Variants in MED13 observed in about 807,000 individuals in gnomAD.
The protein encoded by MED13 is mediator complex subunit 13.
MED13 carries 23 observed loss-of-function variants against 225.2 expected under a neutral mutation model. The observed-to-expected ratio is 0.10, with a 90% CI of 0.07 to 0.14. The LOEUF is 0.14. Ranked by LOEUF, MED13 falls within the 10% of genes least tolerant of loss-of-function variation. The probability of loss-of-function intolerance (pLI) is 1.00; values close to 1 mark genes in which losing one functional copy is unlikely to be tolerated. For missense variants in MED13, 2,197 were observed against 2,594.5 expected (o/e 0.85, Z 3.33); for synonymous variants, 942 against 889.2 (o/e 1.06, Z -1.06).
intron 28 of MED13, among the ~76,000 whole-genome samples, chr17:61,947,361 T>G (rs1456228747): frequency 6.6e-6 from 1 of 152,126 alleles, no homozygotes; most frequent in Non-Finnish European, 1.5e-5. Context: ...CAAAACTTAC[T>G]TTGAATCTAT....
intron 3 of MED13, among the ~76,000 whole-genome samples, chr17:62,044,351 A>G (rs912598690): frequency 6.6e-6 from 1 of 152,142 alleles, no homozygotes; most frequent in South Asian, 2.1e-4. Flanking sequence ...GCAATGATGA[A>G]AATGTTCTAC....
intron 8 of MED13, among the ~76,000 whole-genome samples, chr17:62,018,210 T>C (rs779599446): frequency 3.3e-5 from 5 of 152,198 alleles, no homozygotes; most frequent in Admixed American, 6.5e-5. Context: ...GCAATATTAA[T>C]GAATGAAATA....
At chr17:62,048,039 T>C (rs539300718) in intron 3 of MED13, among the ~76,000 whole-genome samples, 219 of 121,318 alleles carry the variant, frequency 1.8e-3, no homozygotes, top group African/African-American at 6.7e-3. Context: ...TACATATACA[T>C]ATACATATAT....
chr17:62,055,338 T>C (rs765536722), intron 2 of MED13, among the ~76,000 whole-genome samples: 1 of 151,280 alleles, frequency 6.6e-6, no homozygotes, highest in Non-Finnish European at 1.5e-5. Flanking sequence ...TGCAGTGAGC[T>C]GAGATCACAC....
At chr17:62,040,679 T>A (rs780611030) in intron 3 of MED13, among the ~76,000 whole-genome samples, 1 of 152,126 alleles carries the variant, frequency 6.6e-6, no homozygotes, top group Non-Finnish European at 1.5e-5. Context: ...GAATGCTGAC[T>A]TCAAACTCTA....
chr17:61,968,576 C>G (rs958184114), intron 17 of MED13, among the ~76,000 whole-genome samples: 1 of 152,144 alleles, frequency 6.6e-6, no homozygotes, highest in Non-Finnish European at 1.5e-5. Flanking sequence ...CCGCCCACCT[C>G]GGCCTCCCAA....
intron 29 of MED13, 110 bp downstream of exon 29, chr17:61,946,806 CA>C (rs1326660941): frequency 3.7e-6 from 4 of 1,094,236 alleles, no homozygotes; most frequent in Non-Finnish European, 5.4e-6. Flanking sequence ...TCTAGAGATC[CA>C]CTGGTACACA....
Position 61,966,610 on chromosome 17 carries a change from T to G in MED13, c.4233A>C (p.Leu1411Phe). 1 of 1,613,608 alleles carries G rather than the reference T, an allele frequency of 6.2e-7. No individual in the cohort carries two copies. The highest frequency in any genetic ancestry group is 8.5e-7 in the Non-Finnish European group (1 of 1,179,830). Residue 1411 changes from leucine (L) to phenylalanine (F), a missense_variant, in exon 19 of 30, where the codon TTA (leucine) becomes TTC (phenylalanine). Transcript: ENST00000397786. ...ATCCAACTCTCATGATCCCATCTGT[T>G]AACAGTCGAGAAACAGGTCTATGTT... ...LGQHRPVSRL[L>F]TDGIMRVGST...
At position 61,944,651 on chromosome 17, in the gene MED13, A is replaced by G. The variant is rs1404337299; in HGVS notation, c.*1817T>C. 6.6e-6 allele frequency: 1 copy of G among 152,360 alleles called. No individual in the cohort carries two copies. The highest frequency in any genetic ancestry group is 1.9e-4 in the East Asian group (1 of 5,196). The allele number at this position is 152,360 out of a possible 1,614,324, so 9.4% of individuals were successfully genotyped here. A position where few individuals can be genotyped will look rare whatever the true frequency, so the allele number is the denominator to read the frequency against. ...AAGAAAGTGATATTTAATTCTAAGC[A>G]CAGAGTATTCACAAAAACAAGTTTC... is the stretch of plus-strand genomic sequence containing the variant. On this transcript the variant is annotated 3_prime_UTR_variant, in exon 30 of 30. Transcript: ENST00000397786.
At position 61,983,121 on chromosome 17, in the gene MED13, T is replaced by A; in HGVS notation, c.2889-7A>T. 2 of 1,583,792 alleles carry A rather than the reference T, an allele frequency of 1.3e-6. No individual in the cohort carries two copies. Among genetic ancestry groups the A allele is most frequent in the Middle Eastern group, 1.9e-4 (1 of 5,140 alleles). On this transcript the variant is annotated splice_region_variant and splice_polypyrimidine_tract_variant and intron_variant, in intron 15 of 29. Transcript: ENST00000397786. ...ATCCATATTACTTCCATCACTATCA[T>A]CACCAGGGTAAAAGAAGATCAAATA...
intron 12 of MED13, among the ~76,000 whole-genome samples, chr17:61,986,268 C>T (rs2143477108): frequency 6.6e-6 from 1 of 152,188 alleles, no homozygotes; most frequent in Non-Finnish European, 1.5e-5. Flanking sequence ...CACACATATA[C>T]ACACATATAG....
chr17:62,038,490 ATTT>A (rs1444611184), intron 3 of MED13, among the ~76,000 whole-genome samples: 1 of 152,194 alleles, frequency 6.6e-6, no homozygotes, highest in East Asian at 1.9e-4. Context: ...TTTTAAAAGC[ATTT>A]TTAACATTTT....
At chr17:62,019,746 CTTTT>C (rs60862205) in intron 8 of MED13, among the ~76,000 whole-genome samples, 1 of 142,982 alleles carries the variant, frequency 7.0e-6, no homozygotes, top group Non-Finnish European at 1.5e-5. Context: ...TTCTTTTTTT[CTTTT>C]TTTTTTTTTT....
intron 10 of MED13, among the ~76,000 whole-genome samples, 180 bp from the exon 11 acceptor site, chr17:61,992,801 G>A (rs1163638320): frequency 1.3e-5 from 2 of 151,928 alleles, no homozygotes; most frequent in African/African-American, 4.8e-5. Context: ...ATGGACTCTC[G>A]CTCTATCACC....
At chr17:62,059,258 CAA>C (rs1190199540) in intron 2 of MED13, among the ~76,000 whole-genome samples, 2 of 152,102 alleles carry the variant, frequency 1.3e-5, no homozygotes, top group African/African-American at 4.8e-5. Flanking sequence ...CTGCATGACA[CAA>C]AGGAGCTAAG....
At chr17:62,063,426 G>A (rs1163169283) in intron 1 of MED13, 125 bp from the exon 2 acceptor site, 3 of 606,756 alleles carry the variant, frequency 4.9e-6, no homozygotes, top group Admixed American at 3.2e-5. Flanking sequence ...GATATTGACT[G>A]CAAATTAGAA....
At position 61,955,507 on chromosome 17, in the gene MED13, T is replaced by C. The variant is rs1453853535; in HGVS notation, c.5843A>G (p.Gln1948Arg). ...TGATGTATCCTGTGGGGTATTTAGC[T>C]GAGATGTCTGCATATTTAGAGTCGT... Reference protein sequence around the residue: ...RSTTLNMQTSQLNTPQDTSCT... With the variant: ...RSTTLNMQTSRLNTPQDTSCT... The change falls in exon 26 of 30, where the codon CAG becomes CGG. Residue 1948 changes from glutamine to arginine, a missense_variant. By Grantham distance (43) the Gln-to-Arg change is conservative. Transcript: ENST00000397786. The C allele has an allele frequency of 6.3e-7, 1 of 1,595,398 alleles. No individual in the cohort carries two copies. The highest frequency in any genetic ancestry group is 8.5e-7 in the Non-Finnish European group (1 of 1,174,038).
chr17:61,984,200 T>C lies in MED13; in HGVS notation c.2859A>G (p.Ser953=). The change falls in exon 15 of 30, where the codon TCA becomes TCG. Residue 953 remains serine (S), a synonymous_variant. Transcript: ENST00000397786. ...WTVGKLELLS[S]GPSMPFIKEG... ...CTTTGATGAATGGCATTGAAGGCCCTGAAGAAAGCAATTCCAATTTTCCAA... is the reference window on the plus strand; with the variant it reads ...CTTTGATGAATGGCATTGAAGGCCCCGAAGAAAGCAATTCCAATTTTCCAA... The C allele has an allele frequency of 6.3e-7, 1 of 1,593,422 alleles. No individual in the cohort carries two copies. The highest frequency in any genetic ancestry group is 8.5e-7 in the Non-Finnish European group (1 of 1,171,298).
chr17:61,965,611 C>T (rs2080051153), intron 19 of MED13, 143 bp from the exon 20 acceptor site: 1 of 754,302 alleles, frequency 1.3e-6, no homozygotes, highest in Non-Finnish European at 2.0e-6. Flanking sequence ...ATGGTGTGAC[C>T]TACACTTGCT....
Sources: gnomAD v4.1 joint callset for allele counts (sites outside exome capture counted in the v4.1 genomes callset) on GRCh38, gnomAD v4.1.1 for gene constraint, MANE v1.5 for transcripts, NCBI Gene and HGNC (gene_info 2026-07-23, HGNC 2026-07-21) for gene names.